DPP6: variants seen among roughly 807,000 people sequenced by gnomAD.
DPP6 encodes dipeptidyl peptidase like 6, also known as A-type potassium channel modulatory protein DPP6.
DPP6 carries 69 observed loss-of-function variants against 122.6 expected under a neutral mutation model. The observed-to-expected ratio is 0.56, with a 90% CI of 0.46 to 0.69. The LOEUF (loss-of-function observed/expected upper bound fraction) is 0.69. Ranked by LOEUF, DPP6 falls within the 30% of genes least tolerant of loss-of-function variation. The pLI, the probability that DPP6 is intolerant of heterozygous loss-of-function variation, is 0.00. For missense variants in DPP6, 928 were observed against 1,116.9 expected (o/e 0.83, Z 2.41); for synonymous variants, 418 against 433.1 (o/e 0.97, Z 0.43).
chr7:153,913,803 G>A (rs1218045436), intron 1 of DPP6, among the ~76,000 whole-genome samples: 2 of 152,128 alleles, frequency 1.3e-5, no homozygotes, highest in Non-Finnish European at 2.9e-5. Flanking sequence ...TTCCATGTAC[G>A]TCTCCATCTG....
chr7:153,990,211 G>C (rs1367328390), intron 1 of DPP6, among the ~76,000 whole-genome samples: 1 of 63,650 alleles, frequency 1.6e-5, no homozygotes, highest in Non-Finnish European at 3.5e-5. Flanking sequence ...GAATCTCTTA[G>C]TAAGCCCCAC....
intron 3 of DPP6, among the ~76,000 whole-genome samples, chr7:154,513,444 A>G (rs926801287): frequency 3.9e-5 from 6 of 152,152 alleles, no homozygotes; most frequent in African/African-American, 1.4e-4. Context: ...TTAATCTTTT[A>G]TTGGTGTGGG....
chr7:154,397,681 A>G (rs1815208817), intron 1 of DPP6, among the ~76,000 whole-genome samples: 1 of 152,240 alleles, frequency 6.6e-6, no homozygotes, highest in South Asian at 2.1e-4. Context: ...CTGATGGGGA[A>G]GCTACTCAAA....
intron 1 of DPP6, among the ~76,000 whole-genome samples, chr7:154,316,186 A>G (rs914661058): frequency 6.6e-6 from 1 of 152,044 alleles, no homozygotes; most frequent in Admixed American, 6.5e-5. Flanking sequence ...TGCTTTCCCT[A>G]TTGTTTAAAG....
the DPP6 span, among the ~76,000 whole-genome samples, chr7:153,836,541 C>T: frequency 2.0e-5 from 3 of 152,108 alleles, no homozygotes; most frequent in Non-Finnish European, 4.4e-5. Context: ...GAAACTGGCT[C>T]CTATTATCTA....
chr7:154,141,552 T>C (rs1056340750), intron 1 of DPP6, among the ~76,000 whole-genome samples: 4 of 152,242 alleles, frequency 2.6e-5, no homozygotes, highest in African/African-American at 7.2e-5. Flanking sequence ...AGCCAGTCGA[T>C]GCAGGTGATG....
intron 5 of DPP6, chr7:154,588,513 G>C (rs923762901): frequency 2.5e-5 from 4 of 162,990 alleles, no homozygotes; most frequent in African/African-American, 7.2e-5. Context: ...TTTTTTGTTA[G>C]CTTATGATTT....
rs190875546 is a variant in DPP6 at position 154,260,137 on chromosome 7, A to G, written c.244-186077A>G. 1.1e-3 allele frequency among the ~76,000 whole-genome samples: 173 copies of G among 152,200 alleles called. 1 individual carries two copies. Among genetic ancestry groups the G allele is most frequent in the African/African-American group, 3.9e-3 (161 of 41,534 alleles). ...GAAGCAATGGATGGAAAAATCTGAC[A>G]TGTGGAGAGGCAGCCACAAGTCTGT... On this transcript the variant is annotated intron_variant, in intron 1 of 25. Transcript: ENST00000377770.
intron 11 of DPP6, among the ~76,000 whole-genome samples, chr7:154,795,536 CT>C (rs1797989668): frequency 6.6e-6 from 1 of 152,190 alleles, no homozygotes. Flanking sequence ...TGACCGCCCC[CT>C]GGTACACGTG....
At chr7:154,831,491 C>G (rs1185584448) in intron 16 of DPP6, among the ~76,000 whole-genome samples, 3 of 152,216 alleles carry the variant, frequency 2.0e-5, no homozygotes, top group Non-Finnish European at 2.9e-5. Flanking sequence ...AGAAAACTTT[C>G]TGCACATCAT....
At chr7:153,951,498 C>T (rs1316296996) in intron 1 of DPP6, among the ~76,000 whole-genome samples, 1 of 152,156 alleles carries the variant, frequency 6.6e-6, no homozygotes, top group Admixed American at 6.5e-5. Flanking sequence ...TGTCACCCTC[C>T]TCAAATGGAG....
At chr7:154,323,266 G>C (rs1353722566) in intron 1 of DPP6, among the ~76,000 whole-genome samples, 1 of 151,830 alleles carries the variant, frequency 6.6e-6, no homozygotes, top group Non-Finnish European at 1.5e-5. Flanking sequence ...TGGAGTTTAT[G>C]TATAGTTCTT....
At chr7:153,923,732 G>A (rs1237113654) in intron 1 of DPP6, among the ~76,000 whole-genome samples, 2 of 134,844 alleles carry the variant, frequency 1.5e-5, no homozygotes, top group African/African-American at 5.6e-5. Context: ...CTGCACTCCA[G>A]CCTGGGCAAC....
intron 1 of DPP6, among the ~76,000 whole-genome samples, chr7:153,904,456 G>A (rs1484431706): frequency 6.6e-6 from 1 of 152,188 alleles, no homozygotes; most frequent in Admixed American, 6.5e-5. Flanking sequence ...ACGGGAGAGG[G>A]TAAACCTGAA....
At chr7:154,185,142 G>A (rs1249515136) in intron 1 of DPP6, among the ~76,000 whole-genome samples, 3 of 152,182 alleles carry the variant, frequency 2.0e-5, no homozygotes, top group African/African-American at 7.2e-5. Context: ...GCATTAGAAT[G>A]TACTAAGGCA....
chr7:153,889,269 C>T (rs1332132896), intron 1 of DPP6, among the ~76,000 whole-genome samples: 1 of 152,140 alleles, frequency 6.6e-6, no homozygotes, highest in Non-Finnish European at 1.5e-5. Flanking sequence ...CTCATTTTTC[C>T]CACTCTTTTT....
At chr7:154,482,596 C>A (rs1187568506) in intron 3 of DPP6, among the ~76,000 whole-genome samples, 1 of 152,104 alleles carries the variant, frequency 6.6e-6, no homozygotes. Flanking sequence ...TTGAATAATA[C>A]TAAGTGTATT....
chr7:154,540,659 C>A, intron 4 of DPP6, 33 bp downstream of exon 4: 1 of 1,334,138 alleles, frequency 7.5e-7, no homozygotes, highest in Non-Finnish European at 1.0e-6. Context: ...GGGATAATTT[C>A]AGTTTTTCTT....
intron 8 of DPP6, among the ~76,000 whole-genome samples, chr7:154,744,456 C>T (rs1842949333): frequency 6.6e-6 from 1 of 152,252 alleles, no homozygotes; most frequent in African/African-American, 2.4e-5. Flanking sequence ...GATCCTCCTC[C>T]CTGGGCCCCC....
Sources: allele counts gnomAD v4.1 joint callset (sites outside exome capture counted in the v4.1 genomes callset), GRCh38; gene constraint gnomAD v4.1.1; transcripts MANE v1.5; gene names NCBI Gene and HGNC (gene_info 2026-07-23, HGNC 2026-07-21).